Variants in TAF4 observed in about 807,000 individuals in gnomAD.
TAF4 encodes the protein TATA-box binding protein associated factor 4.
In TAF4, 9 loss-of-function variants were observed where a neutral mutation model predicts 90.3. The ratio of observed to expected loss-of-function variants is 0.10; its 90% CI spans 0.06 to 0.17. TAF4 has a LOEUF of 0.17. Ranked by LOEUF, TAF4 falls within the 10% of genes least tolerant of loss-of-function variation. The pLI is 1.00. For synonymous variants in TAF4, 818 were observed against 638.9 expected (o/e 1.28, Z -4.23); for missense variants, 1,351 against 1,370.7 (o/e 0.99, Z 0.23).
chr20:62,013,491 T>C (rs1056479299), intron 2 of TAF4, among the ~76,000 whole-genome samples: 3 of 152,210 alleles, frequency 2.0e-5, no homozygotes, highest in Non-Finnish European at 2.9e-5. Flanking sequence ...TCTTCCACAG[T>C]GTCCCACTCA....
chr20:62,030,374 T>A (rs1021249177), intron 1 of TAF4, among the ~76,000 whole-genome samples: 7 of 152,116 alleles, frequency 4.6e-5, no homozygotes, highest in Non-Finnish European at 5.9e-5. Context: ...CAAAGCCCAA[T>A]ACTAATTTAG....
chr20:62,026,212 C>CGTATTA (rs2055873782), intron 1 of TAF4, among the ~76,000 whole-genome samples: 1 of 152,154 alleles, frequency 6.6e-6, no homozygotes, highest in Non-Finnish European at 1.5e-5. Context: ...GCCCGAGAGT[C>CGTATTA]GTATTAACAA....
chr20:62,015,482 C>T (rs1484544675), intron 1 of TAF4, among the ~76,000 whole-genome samples: 1 of 152,216 alleles, frequency 6.6e-6, no homozygotes, highest in Non-Finnish European at 1.5e-5. Context: ...GGTGGGGATG[C>T]AGCCGTGGGA....
intron 1 of TAF4, among the ~76,000 whole-genome samples, chr20:62,055,968 G>A (rs748276433): frequency 9.2e-5 from 14 of 152,246 alleles, no homozygotes; most frequent in Non-Finnish European, 2.1e-4. Flanking sequence ...CAGGCGCAGT[G>A]GCTCACACCT....
intron 14 of TAF4, among the ~76,000 whole-genome samples, chr20:61,989,513 G>A (rs6089586): frequency 2.2e-5 from 3 of 136,008 alleles, no homozygotes; most frequent in Admixed American, 2.2e-4. Context: ...GAGGGATCCC[G>A]GCACCCACAG....
chr20:61,984,671 ACATCAGC>A (rs2055572169), intron 14 of TAF4, among the ~76,000 whole-genome samples: 9 of 38,486 alleles, frequency 2.3e-4, no homozygotes, highest in Non-Finnish European at 4.1e-4. Context: ...AGTGCCCGGG[ACATCAGC>A]ACCCAGCTGG....
In TAF4 at chr20:62,043,332, AT is replaced by A. The variant is rs989985875; in HGVS notation, c.1360+21118del. Among the ~76,000 whole-genome samples, 16 of 152,216 alleles carry A rather than the reference AT, an allele frequency of 1.1e-4. 1 individual carries two copies. Among genetic ancestry groups the A allele is most frequent in the African/African-American group, 3.9e-4 (16 of 41,524 alleles). On this transcript the variant is annotated intron_variant, in intron 1 of 14. Transcript: ENST00000252996. ...TACAGAATAAGGATACAAAGAAAGTATTTTTTTGCACAGCTGTATAATGTGT... is the reference window on the plus strand; with the variant it reads ...TACAGAATAAGGATACAAAGAAAGTATTTTTTGCACAGCTGTATAATGTGT...
chr20:62,050,458 A>G (rs1010276733), intron 1 of TAF4, among the ~76,000 whole-genome samples: 1 of 152,060 alleles, frequency 6.6e-6, no homozygotes, highest in South Asian at 2.1e-4. Flanking sequence ...GTACATGGAG[A>G]TTCCAGACAG....
intron 14 of TAF4, among the ~76,000 whole-genome samples, chr20:61,987,323 G>A (rs1001046207): frequency 6.6e-6 from 1 of 152,220 alleles, no homozygotes; most frequent in South Asian, 2.1e-4. Context: ...GGAGACCAAG[G>A]AGCCGAGGAG....
Position 61,997,539 on chromosome 20 carries a change from C to A in TAF4, c.3090+11G>T, listed in dbSNP as rs1014051779. The A allele has an allele frequency of 2.5e-6, 4 of 1,571,406 alleles. No homozygotes were observed. The highest frequency in any genetic ancestry group is 3.4e-6 in the Non-Finnish European group (4 of 1,161,312). On this transcript the variant is annotated intron_variant, in intron 14 of 14. Coordinates refer to ENST00000252996, the MANE Select transcript of TAF4 (RefSeq NM_003185.4). ...TTCCCCCAGGACCTCGATCCCACAACACTGCCGTACCTCTGCTCCTGAGCC... is the reference window on the plus strand; with the variant it reads ...TTCCCCCAGGACCTCGATCCCACAAAACTGCCGTACCTCTGCTCCTGAGCC...
At chr20:62,008,404 T>C (rs2055759553) in intron 5 of TAF4, among the ~76,000 whole-genome samples, 1 of 151,870 alleles carries the variant, frequency 6.6e-6, no homozygotes, top group Admixed American at 6.6e-5. Flanking sequence ...CTGAGGAAGG[T>C]GGACAGCCGA....
chr20:62,030,178 G>A (rs2055897157), intron 1 of TAF4, among the ~76,000 whole-genome samples: 1 of 152,246 alleles, frequency 6.6e-6, no homozygotes, highest in Admixed American at 6.5e-5. Context: ...AGCACTCCAG[G>A]GAGCGGAATC....
At chr20:62,021,470 G>A (rs1264804161) in intron 1 of TAF4, among the ~76,000 whole-genome samples, 1 of 152,258 alleles carries the variant, frequency 6.6e-6, no homozygotes, top group African/African-American at 2.4e-5. Context: ...GCCTGCACAG[G>A]GAGCAGAAGC....
chr20:62,064,737 C>A lies in TAF4; in HGVS notation c.1074G>T (p.Ala358=). 1 of 1,185,624 alleles carries A rather than the reference C, an allele frequency of 8.4e-7. No individual in the cohort carries two copies. The highest frequency in any genetic ancestry group is 3.9e-5 in the East Asian group (1 of 25,446). 73.4% of individuals were successfully genotyped at this position (1,185,624 alleles called of 1,614,324 possible). A position where few individuals can be genotyped will look rare whatever the true frequency, so the allele number is the denominator to read the frequency against. ...CCGGGCCGCTGGCCGCCAGGGTCTG[C>A]GCCGCCGGGGGCGCCGCCTGCACCA... ...KRVVQAAPPA[A]QTLAASGPAS... is the part of the protein sequence containing the mutation. Residue 358 remains alanine (A), a synonymous_variant, in exon 1 of 15, where the codon GCG becomes GCT. Transcript: ENST00000252996.
At chr20:62,064,312 G>A (rs2056108386) in intron 1 of TAF4, 139 bp downstream of exon 1, 9 of 1,040,742 alleles carry the variant, frequency 8.6e-6, no homozygotes, top group Non-Finnish European at 9.9e-6. Flanking sequence ...CACCTGGGTA[G>A]AGACTGCCCC....
chr20:62,039,449 G>A (rs1256124398), intron 1 of TAF4, among the ~76,000 whole-genome samples: 1 of 152,166 alleles, frequency 6.6e-6, no homozygotes, highest in Non-Finnish European at 1.5e-5. Flanking sequence ...ACTTGAATTG[G>A]GTTGAGTAAG....
At chr20:62,026,446 A>T (rs2055875117) in intron 1 of TAF4, among the ~76,000 whole-genome samples, 1 of 152,164 alleles carries the variant, frequency 6.6e-6, no homozygotes, top group African/African-American at 2.4e-5. Context: ...GTGCGTGCTC[A>T]AGTCTCTGAA....
At chr20:62,057,189 CCA>C (rs1195409087) in intron 1 of TAF4, among the ~76,000 whole-genome samples, 2 of 152,234 alleles carry the variant, frequency 1.3e-5, no homozygotes, top group African/African-American at 4.8e-5. Flanking sequence ...GCACCTCTGC[CCA>C]CAGTGTCTGC....
At chr20:62,033,745 A>G (rs1214807354) in intron 1 of TAF4, among the ~76,000 whole-genome samples, 1 of 151,556 alleles carries the variant, frequency 6.6e-6, no homozygotes, top group African/African-American at 2.4e-5. Flanking sequence ...CTCAAAAAAA[A>G]AAAAAAAAGA....
Sources: allele counts gnomAD v4.1 joint callset (sites outside exome capture counted in the v4.1 genomes callset), GRCh38; gene constraint gnomAD v4.1.1; transcripts MANE v1.5; gene names NCBI Gene and HGNC (gene_info 2026-07-23, HGNC 2026-07-21).